Variants in MEF2C observed in about 807,000 individuals in gnomAD.
MEF2C encodes myocyte enhancer factor 2C, also known as myocyte-specific enhancer factor 2C.
A neutral mutation model predicts 50.5 loss-of-function variants in MEF2C; 6 were observed. The observed-to-expected ratio is 0.12, with a 90% CI of 0.07 to 0.23. The LOEUF is 0.23. MEF2C is among the 10% of genes least tolerant of loss of function. The probability of loss-of-function intolerance (pLI) is 1.00; values close to 1 mark genes in which losing one functional copy is unlikely to be tolerated. For missense variants in MEF2C, 276 were observed against 605.0 expected (o/e 0.46, Z 5.70); for synonymous variants, 183 against 228.0 (o/e 0.80, Z 1.78).
rs1755136432 is a variant in MEF2C, at chr5:88,717,837, T to C, written c.*4767A>G. ...ATGTTTTCAACTTTTAGAAATTACT[T>C]CGAAGAAGAAAAAAGGAACTCTTTT... On this transcript the variant is annotated 3_prime_UTR_variant, in exon 11 of 11. Transcript: ENST00000504921. The C allele has an allele frequency of 6.6e-6, 1 of 152,210 alleles. No homozygotes were observed. Among genetic ancestry groups the C allele is most frequent in the South Asian group, 2.1e-4 (1 of 4,832 alleles). 9.4% of individuals were successfully genotyped at this position (152,210 alleles called of 1,614,324 possible). A position where few individuals can be genotyped will look rare whatever the true frequency, so the allele number is the denominator to read the frequency against.
intron 6 of MEF2C, chr5:88,734,463 G>C (rs1763001519): frequency 1.0e-6 from 1 of 984,422 alleles, no homozygotes; most frequent in African/African-American, 1.8e-5. Context: ...TTTGCTAAAA[G>C]GAAGTAAAAC....
chr5:88,880,509 A>G (rs886685155), intron 1 of MEF2C, among the ~76,000 whole-genome samples: 1 of 152,180 alleles, frequency 6.6e-6, no homozygotes, highest in Non-Finnish European at 1.5e-5. Context: ...AAAATATACT[A>G]CAATAAACAG....
At chr5:88,806,863 T>C (rs1311865571) in intron 2 of MEF2C, among the ~76,000 whole-genome samples, 2 of 152,182 alleles carry the variant, frequency 1.3e-5, no homozygotes, top group Non-Finnish European at 2.9e-5. Context: ...CAAGGGTATA[T>C]GCCGTTTTTA....
intron 1 of MEF2C, among the ~76,000 whole-genome samples, chr5:88,859,382 T>A (rs1235933510): frequency 6.6e-6 from 1 of 152,216 alleles, no homozygotes; most frequent in African/African-American, 2.4e-5. Flanking sequence ...CCCGCTCAAG[T>A]GTTTTCTCCT....
intron 1 of MEF2C, among the ~76,000 whole-genome samples, chr5:88,864,153 T>G (rs907362284): frequency 1.8e-5 from 1 of 56,524 alleles, no homozygotes; most frequent in Admixed American, 2.1e-4. Flanking sequence ...TTTTTTTTGT[T>G]TTTTTTTTTA....
chr5:88,772,665 T>G, intron 3 of MEF2C: 1 of 904,538 alleles, frequency 1.1e-6, no homozygotes. Flanking sequence ...TATGGTATCC[T>G]CAACTTCTTC....
chr5:88,734,176 G>A, intron 6 of MEF2C: 1 of 984,924 alleles, frequency 1.0e-6, no homozygotes, highest in Non-Finnish European at 1.2e-6. Flanking sequence ...TAGATTCTAC[G>A]GGATAAAAAG....
At chr5:88,752,148 A>G in intron 4 of MEF2C, 105 bp from the exon 5 acceptor site, 1 of 1,038,138 alleles carries the variant, frequency 9.6e-7, no homozygotes, top group Non-Finnish European at 1.4e-6. Context: ...TACATTCCAA[A>G]CTACTTTGTG....
At chr5:88,750,740 C>T (rs1226656244) in intron 5 of MEF2C, among the ~76,000 whole-genome samples, 1 of 152,126 alleles carries the variant, frequency 6.6e-6, no homozygotes, top group Non-Finnish European at 1.5e-5. Context: ...TTCCCAGACT[C>T]AAGATTAAAA....
chr5:88,766,738 G>A (rs1020121624), intron 3 of MEF2C: 2 of 984,952 alleles, frequency 2.0e-6, no homozygotes, highest in African/African-American at 1.7e-5. Context: ...TTGTTGCATA[G>A]GTAGTGTGAT....
At chr5:88,853,421 T>G (rs1822126586) in intron 1 of MEF2C, among the ~76,000 whole-genome samples, 1 of 152,122 alleles carries the variant, frequency 6.6e-6, no homozygotes. Context: ...TTCTGTTAGC[T>G]CCATAATGCC....
intron 6 of MEF2C, chr5:88,741,927 T>C (rs1014977295): frequency 1.0e-6 from 1 of 985,246 alleles, no homozygotes; most frequent in Non-Finnish European, 1.2e-6. Context: ...TATCCAAGGT[T>C]CTTGGTATAA....
intron 6 of MEF2C, 97 bp from the exon 7 acceptor site, chr5:88,731,998 G>A: frequency 8.8e-7 from 1 of 1,135,866 alleles, no homozygotes; most frequent in Non-Finnish European, 1.2e-6. Flanking sequence ...AAGCTTAATG[G>A]TAAGACGTAC....
At chr5:88,789,488 G>A (rs1215060372) in intron 3 of MEF2C, among the ~76,000 whole-genome samples, 1 of 151,114 alleles carries the variant, frequency 6.6e-6, no homozygotes, top group Non-Finnish European at 1.5e-5. Context: ...TTTTTTTAAT[G>A]TGAGGAAAAA....
intron 1 of MEF2C, among the ~76,000 whole-genome samples, chr5:88,847,027 T>A (rs762855525): frequency 5.3e-5 from 8 of 152,200 alleles, no homozygotes; most frequent in Non-Finnish European, 1.0e-4. Flanking sequence ...AGGAATGACG[T>A]CTTTTTATAT....
chr5:88,784,181 T>A (rs1159778369), intron 3 of MEF2C, among the ~76,000 whole-genome samples: 4 of 152,212 alleles, frequency 2.6e-5, no homozygotes. Context: ...TACTTTCTTT[T>A]GTTTAAGCCA....
chr5:88,824,518 A>G (rs752797603), intron 1 of MEF2C: 179 of 212,608 alleles, frequency 8.4e-4, no homozygotes, highest in Non-Finnish European at 1.2e-3. Flanking sequence ...CCTTAAAAAT[A>G]ATATGGAATA....
chr5:88,881,658 T>G (rs1832865049), intron 1 of MEF2C, among the ~76,000 whole-genome samples: 1 of 151,642 alleles, frequency 6.6e-6, no homozygotes, highest in Non-Finnish European at 1.5e-5. Context: ...GTTATTATAC[T>G]CCACATAAAC....
At chr5:88,827,645 A>G (rs932375954) in intron 1 of MEF2C, among the ~76,000 whole-genome samples, 1 of 151,964 alleles carries the variant, frequency 6.6e-6, no homozygotes, top group Non-Finnish European at 1.5e-5. Context: ...TGCTTTAAGA[A>G]ATGAAAATAA....
Sources: allele counts gnomAD v4.1 joint callset (sites outside exome capture counted in the v4.1 genomes callset), GRCh38; gene constraint gnomAD v4.1.1; transcripts MANE v1.5; gene names NCBI Gene and HGNC (gene_info 2026-07-23, HGNC 2026-07-21).